The following NDUFB2 variants were observed in gnomAD, a reference collection of about 807,000 sequenced individuals.
NDUFB2 encodes the protein NADH:ubiquinone oxidoreductase subunit B2, also known as NADH dehydrogenase [ubiquinone] 1 beta subcomplex subunit 2, mitochondrial.
NDUFB2 carries 13 observed loss-of-function variants against 13.4 expected under a neutral mutation model. The ratio of observed to expected loss-of-function variants is 0.97; its 90% confidence interval spans 0.63 to 1.54. The LOEUF (loss-of-function observed/expected upper bound fraction) is 1.54. NDUFB2 is among the 40% of genes most tolerant of loss of function. NDUFB2 has a pLI of 0.00. For synonymous variants in NDUFB2, 47 were observed against 50.6 expected (o/e 0.93, Z 0.30); for missense variants, 150 against 139.7 (o/e 1.07, Z -0.37).
At chr7:140,698,285 AAC>A (rs1794846447) in intron 1 of NDUFB2, 1 of 1,350,910 alleles carries the variant, frequency 7.4e-7, no homozygotes, top group Admixed American at 1.9e-5. Context: ...GCTTGTTCGT[AAC>A]ACACACTTGT....
chr7:140,700,059 A>G (rs565199833), intron 1 of NDUFB2: 3 of 152,092 alleles, frequency 2.0e-5, no homozygotes, highest in East Asian at 1.9e-4. Context: ...CACTCTAGCA[A>G]TAACGAAGCG....
intron 1 of NDUFB2, chr7:140,701,867 C>T (rs997768826): frequency 4.2e-5 from 20 of 472,320 alleles, no homozygotes; most frequent in African/African-American, 3.0e-4. Context: ...ACCCAGGAGG[C>T]GGAGGTTGCA....
Position 140,702,892 on chromosome 7 carries a change from C to G in NDUFB2, c.125C>G (p.Pro42Arg), listed in dbSNP as rs776657486. 1 of 1,613,938 alleles carries G rather than the reference C, an allele frequency of 6.2e-7. No individual in the cohort carries two copies. ...GCCGGTGGTGGTGTGCACATTGAGC[C>G]CCGGTATAGACAGTTCCCCCAGCTG... ...RHAGGGVHIE[P>R]RYRQFPQLTR... The change falls in exon 2 of 4, where the codon CCC becomes CGC. Residue 42 changes from proline to arginine, a missense_variant. Pro to Arg is a moderately radical substitution (Grantham distance 103). Transcript: ENST00000247866.
chr7:140,697,267 C>G (rs1356015427), intron 1 of NDUFB2: 1 of 700,794 alleles, frequency 1.4e-6, no homozygotes, highest in African/African-American at 1.7e-5. Flanking sequence ...TGCCTGGCTG[C>G]GGAATTTAGG....
In NDUFB2 at chr7:140,706,060, T is replaced by TATGTTTTATG. The variant is rs1402496959; in HGVS notation, c.*30-503_*30-502insATGTTTTATG. 340 of 125,076 alleles carry TATGTTTTATG rather than the reference T, an allele frequency of 2.7e-3. 3 individuals are homozygous for TATGTTTTATG. The highest frequency in any genetic ancestry group is 5.5e-3 in the African/African-American group (157 of 28,636). 7.7% of individuals were successfully genotyped at this position (125,076 alleles called of 1,614,324 possible). A position where few individuals can be genotyped will look rare whatever the true frequency, so the allele number is the denominator to read the frequency against. On this transcript the variant is annotated intron_variant, in intron 3 of 3. Transcript: ENST00000247866. ...TATGTTATGTTATGTTATGTTATGT[T>TATGTTTTATG]TTATGTTATGTTATGTTATGTTATG...
chr7:140,706,407 C>A (rs1448438639), intron 3 of NDUFB2, 156 bp from the exon 4 acceptor site: 5 of 151,938 alleles, frequency 3.3e-5, no homozygotes, highest in Admixed American at 2.6e-4. Context: ...GGACTGTAAA[C>A]CCTTGAGAGA....
chr7:140,704,879 A>T lies in NDUFB2; in HGVS notation c.263A>T (p.Asp88Val), dbSNP rs1270066105. 1 of 1,600,720 alleles carries T rather than the reference A, an allele frequency of 6.2e-7. No homozygotes were observed. Among genetic ancestry groups the T allele is most frequent in the Non-Finnish European group, 8.5e-7 (1 of 1,174,702 alleles). ...EEVLGHFPYP[D>V]PSQWTDEELG... ...CACCAGGGTCACTTTCCGTATCCTG[A>T]TCCTTCCCAGTGGACAGATGAAGAA... Residue 88 changes from aspartate (D) to valine (V), a missense_variant, in exon 3 of 4, where the codon GAT becomes GTT. Transcript: ENST00000247866.
chr7:140,697,176 C>A, intron 1 of NDUFB2: 1 of 595,378 alleles, frequency 1.7e-6, no homozygotes, highest in Non-Finnish European at 3.0e-6. Context: ...AAGCAGCGTG[C>A]GCGGCGGGTG....
chr7:140,698,732 C>A (rs972371229), intron 1 of NDUFB2, among the ~76,000 whole-genome samples: 1 of 151,858 alleles, frequency 6.6e-6, no homozygotes, highest in South Asian at 2.1e-4. Flanking sequence ...GTGGGAGAGA[C>A]CAGGTCACAG....
At chr7:140,703,912 C>T in intron 2 of NDUFB2, among the ~76,000 whole-genome samples, 1 of 152,080 alleles carries the variant, frequency 6.6e-6, no homozygotes, top group East Asian at 1.9e-4. Context: ...CCCGCCACCA[C>T]TCCCGGCTAA....
chr7:140,701,298 C>G (rs1056489517), intron 1 of NDUFB2, among the ~76,000 whole-genome samples: 1 of 152,294 alleles, frequency 6.6e-6, no homozygotes, highest in South Asian at 2.1e-4. Flanking sequence ...CAGGCCTTAT[C>G]ATAACATTAT....
At chr7:140,702,617 C>T (rs1794912050) in intron 1 of NDUFB2, 1 of 423,488 alleles carries the variant, frequency 2.4e-6, no homozygotes, top group East Asian at 3.8e-5. Context: ...ATTTCTAGTG[C>T]AAAATAATGA....
At chr7:140,698,924 G>A (rs1794857468) in intron 1 of NDUFB2, among the ~76,000 whole-genome samples, 1 of 152,208 alleles carries the variant, frequency 6.6e-6, no homozygotes, top group African/African-American at 2.4e-5. Context: ...TTGAGAGGCT[G>A]AGGCGGGCGG....
Position 140,703,028 on chromosome 7 carries a change from G to A in NDUFB2, c.243+18G>A. ...AGGTGCTGGTAAGTGCAGGAGAAGA[G>A]CACTTGTCGTTTTTTGGGTGGGGGA... On this transcript the variant is annotated intron_variant, in intron 2 of 3. Transcript: ENST00000247866. The A allele has an allele frequency of 6.2e-7, 1 of 1,610,018 alleles. No individual in the cohort carries two copies. Among genetic ancestry groups the A allele is most frequent in the Non-Finnish European group, 8.5e-7 (1 of 1,176,938 alleles).
At chr7:140,703,196 T>C (rs796521239) in intron 2 of NDUFB2, among the ~76,000 whole-genome samples, 186 bp downstream of exon 2, 12 of 152,294 alleles carry the variant, frequency 7.9e-5, no homozygotes, top group African/African-American at 2.9e-4. Flanking sequence ...CACCTTTTTT[T>C]ACACGAGGAT....
intron 1 of NDUFB2, among the ~76,000 whole-genome samples, chr7:140,700,486 A>G (rs1794881044): frequency 6.6e-6 from 1 of 151,728 alleles, no homozygotes; most frequent in Non-Finnish European, 1.5e-5. Flanking sequence ...TCAAAAAGCT[A>G]TCAAAGAAGA....
chr7:140,702,624 A>G, intron 1 of NDUFB2: 1 of 439,196 alleles, frequency 2.3e-6, no homozygotes, highest in Non-Finnish European at 4.0e-6. Context: ...GTGCAAAATA[A>G]TGAATCTTCA....
chr7:140,700,925 G>GCTA (rs1791636704), intron 1 of NDUFB2: 1 of 152,110 alleles, frequency 6.6e-6, no homozygotes, highest in African/African-American at 2.4e-5. Context: ...GAAACAGTAT[G>GCTA]CTACGTCATT....
intron 3 of NDUFB2, 138 bp downstream of exon 3, chr7:140,705,101 CTTTTTT>C: frequency 5.9e-6 from 2 of 341,616 alleles, no homozygotes; most frequent in Non-Finnish European, 1.0e-5. Context: ...CCTGTATCTG[CTTTTTT>C]TTTTTTTTTT....
Sources: allele counts gnomAD v4.1 joint callset (sites outside exome capture counted in the v4.1 genomes callset), GRCh38; gene constraint gnomAD v4.1.1; transcripts MANE v1.5; gene names NCBI Gene and HGNC (gene_info 2026-07-23, HGNC 2026-07-21).